HAUS6: variants seen among roughly 807,000 people sequenced by gnomAD.
The protein encoded by HAUS6 is HAUS augmin like complex subunit 6.
In HAUS6, 80 loss-of-function variants were observed where a neutral mutation model predicts 106.8. That is an observed-to-expected ratio of 0.75 (90% confidence interval 0.63 to 0.90). HAUS6 has a LOEUF of 0.90. HAUS6 is among the 40% of genes least tolerant of loss of function. The probability of loss-of-function intolerance (pLI) is 0.00; values close to 1 mark genes in which losing one functional copy is unlikely to be tolerated. For synonymous variants in HAUS6, 356 were observed against 379.1 expected, an observed-to-expected ratio of 0.94 and a Z score of 0.71; for missense variants, 1,155 against 1,118.1, an observed-to-expected ratio of 1.03 and a Z score of -0.47.
At chr9:19,074,170 C>T (rs1343274317) in intron 11 of HAUS6, among the ~76,000 whole-genome samples, 2 of 151,840 alleles carry the variant, frequency 1.3e-5, no homozygotes, top group Non-Finnish European at 2.9e-5. Flanking sequence ...TTGCTTGAAC[C>T]CGGGAGGCGA....
intron 3 of HAUS6, 72 bp from the exon 4 acceptor site, chr9:19,093,375 T>TAACAAAAA: frequency 7.5e-7 from 1 of 1,335,174 alleles, no homozygotes; most frequent in Non-Finnish European, 1.1e-6. Context: ...TCACACTATT[T>TAACAAAAA]TTGTTAAAGG....
chr9:19,064,590 A>G (rs568851771), intron 12 of HAUS6, among the ~76,000 whole-genome samples: 3 of 152,152 alleles, frequency 2.0e-5, no homozygotes, highest in Non-Finnish European at 2.9e-5. Context: ...TCTAGTTACT[A>G]TAAGACAGGA....
At chr9:19,061,296 A>T (rs1836613253) in intron 14 of HAUS6, among the ~76,000 whole-genome samples, 1 of 152,252 alleles carries the variant, frequency 6.6e-6, no homozygotes, top group Admixed American at 6.5e-5. Context: ...AAACACTCTT[A>T]AAGAAAATTA....
chr9:19,098,249 C>T (rs1047624363), intron 1 of HAUS6, among the ~76,000 whole-genome samples: 3 of 152,106 alleles, frequency 2.0e-5, no homozygotes, highest in Non-Finnish European at 2.9e-5. Flanking sequence ...ACCATCCTGG[C>T]CAACATGGCG....
At chr9:19,064,564 C>T (rs1163568080) in intron 12 of HAUS6, among the ~76,000 whole-genome samples, 2 of 152,014 alleles carry the variant, frequency 1.3e-5, no homozygotes, top group African/African-American at 2.4e-5. Context: ...AAGTTAAAAG[C>T]CTAAAGCTTT....
At chr9:19,094,126 G>C (rs921309558) in intron 3 of HAUS6, among the ~76,000 whole-genome samples, 191 bp downstream of exon 3, 5 of 152,180 alleles carry the variant, frequency 3.3e-5, no homozygotes, top group Admixed American at 3.3e-4. Flanking sequence ...CACCTGGCCA[G>C]CAAAGCTGGT....
intron 1 of HAUS6, 99 bp downstream of exon 1, chr9:19,102,425 C>A (rs1161669506): frequency 7.5e-7 from 1 of 1,329,964 alleles, no homozygotes; most frequent in South Asian, 1.3e-5. Context: ...AACTGCTCAA[C>A]CAATTCTGAT....
intron 16 of HAUS6, 193 bp from the exon 17 acceptor site, chr9:19,056,597 C>T: frequency 2.4e-6 from 1 of 415,912 alleles, no homozygotes; most frequent in Non-Finnish European, 4.3e-6. Flanking sequence ...TCCCAGAGTA[C>T]TTTTTTTTTT....
intron 11 of HAUS6, 150 bp from the exon 12 acceptor site, chr9:19,070,450 G>T: frequency 1.6e-6 from 1 of 608,350 alleles, no homozygotes; most frequent in Non-Finnish European, 2.9e-6. Flanking sequence ...TTATTCAATT[G>T]ATAAGTATAA....
chr9:19,097,202 T>C (rs1468046721), intron 1 of HAUS6, among the ~76,000 whole-genome samples: 1 of 152,188 alleles, frequency 6.6e-6, no homozygotes, highest in Non-Finnish European at 1.5e-5. Context: ...AAGGACTGCA[T>C]GTCTAAAACA....
Position 19,070,206 on chromosome 9 carries a change from A to T in HAUS6, c.1376+13T>A. The T allele has an allele frequency of 7.0e-7, 1 of 1,437,120 alleles. No homozygotes were observed. Among genetic ancestry groups the T allele is most frequent in the Non-Finnish European group, 9.7e-7 (1 of 1,026,400 alleles). The allele number at this position is 1,437,120 out of a possible 1,614,324, so 89.0% of individuals were successfully genotyped here. On this transcript the variant is annotated intron_variant, in intron 12 of 16. Coordinates refer to ENST00000380502, the MANE Select transcript of HAUS6 (RefSeq NM_017645.5). ...TTTTAATGTTTAACAAAAGAAAATCAAATTTGTTTTACCTGTTGGCTAGAT... is the reference window on the plus strand; with the variant it reads ...TTTTAATGTTTAACAAAAGAAAATCTAATTTGTTTTACCTGTTGGCTAGAT...
At chr9:19,091,500 T>C (rs553524018) in intron 4 of HAUS6, among the ~76,000 whole-genome samples, 3 of 152,194 alleles carry the variant, frequency 2.0e-5, no homozygotes, top group African/African-American at 7.2e-5. Flanking sequence ...GTATTACATG[T>C]AATTGGGGCA....
At chr9:19,056,591 A>G (rs1357082164) in intron 16 of HAUS6, 187 bp from the exon 17 acceptor site, 4 of 517,514 alleles carry the variant, frequency 7.7e-6, no homozygotes, top group Non-Finnish European at 1.4e-5. Flanking sequence ...CATTCCTCCC[A>G]GAGTACTTTT....
At chr9:19,087,658 C>G (rs1400928958) in intron 5 of HAUS6, among the ~76,000 whole-genome samples, 1 of 151,858 alleles carries the variant, frequency 6.6e-6, no homozygotes, top group Non-Finnish European at 1.5e-5. Flanking sequence ...AGTTTGAGAC[C>G]AGCCTGGCTA....
intron 1 of HAUS6, among the ~76,000 whole-genome samples, chr9:19,098,913 T>A (rs1319572853): frequency 6.7e-6 from 1 of 148,772 alleles, no homozygotes; most frequent in Non-Finnish European, 1.5e-5. Flanking sequence ...TCCCAGCTAC[T>A]CCAGAGGCTG....
In HAUS6 at chr9:19,057,982, C is replaced by G; in HGVS notation, c.2785G>C (p.Gly929Arg). The G allele has an allele frequency of 6.2e-7, 1 of 1,604,904 alleles. No individual in the cohort carries two copies. The highest frequency in any genetic ancestry group is 8.5e-7 in the Non-Finnish European group (1 of 1,173,000). ...TTACCCTTTAAATTAGGTAGTTCTC[C>G]AAGACTACATGCTATTGTGGTTCTC... ...RLRTTIACSLGELPNLKEEDI... is the reference protein window; with the variant it reads ...RLRTTIACSLRELPNLKEEDI... Residue 929 changes from glycine (G) to arginine (R), a missense_variant, in exon 16 of 17, where the codon GGA becomes CGA. By Grantham distance (125) the Gly-to-Arg change is moderately radical. This residue lies in a region of HAUS6 where 380 missense variants were observed against 394.8 expected (regional missense o/e 0.96). Coordinates refer to ENST00000380502, the MANE Select transcript of HAUS6 (RefSeq NM_017645.5).
intron 5 of HAUS6, among the ~76,000 whole-genome samples, chr9:19,087,736 T>G (rs1301757701): frequency 6.8e-6 from 1 of 148,100 alleles, no homozygotes; most frequent in African/African-American, 2.5e-5. Context: ...ACGCCTGTAC[T>G]CCCAGCTACA....
chr9:19,069,175 A>G (rs190264010), intron 12 of HAUS6, among the ~76,000 whole-genome samples: 1 of 152,316 alleles, frequency 6.6e-6, no homozygotes, highest in East Asian at 1.9e-4. Flanking sequence ...TCTGGACAAG[A>G]TGATCTCAAA....
intron 11 of HAUS6, among the ~76,000 whole-genome samples, chr9:19,071,366 C>G (rs989987119): frequency 2.0e-5 from 3 of 151,806 alleles, no homozygotes; most frequent in African/African-American, 7.3e-5. Context: ...AATTAGAAGT[C>G]CCAACAATAG....
Sources: allele counts gnomAD v4.1 joint callset (sites outside exome capture counted in the v4.1 genomes callset), GRCh38; gene constraint gnomAD v4.1.1; regional missense constraint gnomAD v4.1.1; transcripts MANE v1.5; gene names NCBI Gene and HGNC (gene_info 2026-07-23, HGNC 2026-07-21).